L3MBTL4: variants seen among roughly 807,000 people sequenced by gnomAD.
The protein encoded by L3MBTL4 is L3MBTL histone methyl-lysine binding protein 4.
In L3MBTL4, 70 loss-of-function variants were observed where a neutral mutation model predicts 84.5. The ratio of observed to expected loss-of-function variants is 0.83; its 90% CI spans 0.68 to 1.01. The LOEUF (loss-of-function observed/expected upper bound fraction) is 1.01, where lower values mean the gene tolerates loss of function less well. Among genes scored for constraint, L3MBTL4 ranks in the 50% least tolerant of loss-of-function variants. L3MBTL4 has a pLI of 0.00. For missense variants in L3MBTL4, 715 were observed against 754.8 expected (o/e 0.95, Z 0.62); for synonymous variants, 274 against 259.8 (o/e 1.05, Z -0.52).
At chr18:6,282,287 C>G (rs1226437543) in intron 4 of L3MBTL4, among the ~76,000 whole-genome samples, 2 of 152,120 alleles carry the variant, frequency 1.3e-5, no homozygotes, top group Non-Finnish European at 2.9e-5. Context: ...TAATTGCAAA[C>G]CATACTAAGT....
At chr18:6,342,182 T>A (rs1284989742) in intron 1 of L3MBTL4, among the ~76,000 whole-genome samples, 1 of 152,134 alleles carries the variant, frequency 6.6e-6, no homozygotes, top group Non-Finnish European at 1.5e-5. Context: ...TGTGAAAACA[T>A]ATGAAAGTAT....
At chr18:6,084,560 T>C (rs2058195442) in intron 15 of L3MBTL4, among the ~76,000 whole-genome samples, 1 of 152,220 alleles carries the variant, frequency 6.6e-6, no homozygotes, top group South Asian at 2.1e-4. Context: ...CTGACTCTTC[T>C]ATTTTTAGGC....
chr18:6,117,701 A>G (rs546634380), intron 14 of L3MBTL4, among the ~76,000 whole-genome samples: 30 of 152,392 alleles, frequency 2.0e-4, no homozygotes, highest in African/African-American at 7.0e-4. Context: ...TGATAAGTAC[A>G]GCGTCCTATG....
chr18:6,271,557 C>T (rs2048871139), intron 4 of L3MBTL4, among the ~76,000 whole-genome samples: 1 of 152,112 alleles, frequency 6.6e-6, no homozygotes, highest in Admixed American at 6.5e-5. Context: ...AGTCATTTTC[C>T]GAGACGTTAA....
At chr18:6,067,842 T>G (rs1034181493) in intron 16 of L3MBTL4, among the ~76,000 whole-genome samples, 1 of 152,216 alleles carries the variant, frequency 6.6e-6, no homozygotes, top group East Asian at 1.9e-4. Flanking sequence ...TGTGATTTCT[T>G]GCGGATGCTG....
chr18:5,985,608 T>C (rs1223427624), intron 16 of L3MBTL4, among the ~76,000 whole-genome samples: 1 of 152,180 alleles, frequency 6.6e-6, no homozygotes, highest in Admixed American at 6.5e-5. Flanking sequence ...CCCTACGTTA[T>C]ATTCCCGAAG....
At chr18:5,986,477 C>G (rs915726494) in intron 16 of L3MBTL4, among the ~76,000 whole-genome samples, 1 of 152,218 alleles carries the variant, frequency 6.6e-6, no homozygotes, top group Non-Finnish European at 1.5e-5. Context: ...ATGATGAGGT[C>G]ATCTTTAATA....
chr18:6,008,408 G>T (rs1158824931), intron 16 of L3MBTL4, among the ~76,000 whole-genome samples: 2 of 152,158 alleles, frequency 1.3e-5, no homozygotes, highest in East Asian at 3.9e-4. Context: ...TTCTATCCAG[G>T]TGTCTTAATT....
At chr18:5,967,929 C>T (rs2052434864) in intron 17 of L3MBTL4, among the ~76,000 whole-genome samples, 1 of 152,362 alleles carries the variant, frequency 6.6e-6, no homozygotes, top group Non-Finnish European at 1.5e-5. Context: ...CAGAGACATG[C>T]CCAGAATTCT....
intron 4 of L3MBTL4, among the ~76,000 whole-genome samples, chr18:6,297,028 T>C (rs2050136040): frequency 6.6e-6 from 1 of 152,042 alleles, no homozygotes; most frequent in Admixed American, 6.5e-5. Context: ...AATCTTCAAG[T>C]GGAAGAAAAA....
chr18:6,240,916 C>T (rs941981854), intron 8 of L3MBTL4, among the ~76,000 whole-genome samples: 1 of 152,178 alleles, frequency 6.6e-6, no homozygotes, highest in African/African-American at 2.4e-5. Context: ...GTGTGATCTA[C>T]CCAGATCCGC....
intron 14 of L3MBTL4, among the ~76,000 whole-genome samples, chr18:6,106,591 CT>C (rs1316978567): frequency 6.6e-6 from 1 of 152,120 alleles, no homozygotes; most frequent in Non-Finnish European, 1.5e-5. Flanking sequence ...TTATAAAACC[CT>C]GAGAAAAGAG....
rs143289498 is a variant in L3MBTL4 at position 6,178,315 on chromosome 18, T to C, written c.982-6373A>G. Among the ~76,000 whole-genome samples, 95 of 152,296 alleles carry C rather than the reference T, an allele frequency of 6.2e-4. No individual in the cohort carries two copies. In the East Asian group the frequency reaches 0.018, roughly 28 times the overall value. ...AACAAGGGCTGTCTAAACTCTGAAT[T>C]TATAATCAAAATCTGTGCCTATGTA... On this transcript the variant is annotated intron_variant, in intron 12 of 18. Transcript: ENST00000317931.
intron 5 of L3MBTL4, among the ~76,000 whole-genome samples, chr18:6,245,833 C>T (rs970713600): frequency 6.6e-5 from 10 of 152,192 alleles, no homozygotes; most frequent in African/African-American, 2.4e-4. Context: ...TCAAATGATC[C>T]ACCCTCCTGA....
chr18:6,238,910 GT>G (rs1296350928), intron 9 of L3MBTL4, among the ~76,000 whole-genome samples: 1 of 148,932 alleles, frequency 6.7e-6, no homozygotes, highest in Non-Finnish European at 1.5e-5. Flanking sequence ...CATATTTCAG[GT>G]TTTTAATCAA....
intron 16 of L3MBTL4, among the ~76,000 whole-genome samples, chr18:5,988,807 C>T (rs1349735219): frequency 6.6e-6 from 1 of 152,148 alleles, no homozygotes; most frequent in Non-Finnish European, 1.5e-5. Context: ...AAAAGAGTTT[C>T]TAGGGGTGTG....
At chr18:6,186,788 T>C (rs960010418) in intron 12 of L3MBTL4, among the ~76,000 whole-genome samples, 3 of 152,038 alleles carry the variant, frequency 2.0e-5, no homozygotes, top group Non-Finnish European at 4.4e-5. Context: ...GTTTGCCCAG[T>C]GATGGCTTCC....
chr18:6,003,641 A>G (rs1264224215), intron 16 of L3MBTL4, among the ~76,000 whole-genome samples: 1 of 152,126 alleles, frequency 6.6e-6, no homozygotes, highest in Non-Finnish European at 1.5e-5. Context: ...GATAGACTAT[A>G]TATTAAGCCA....
At chr18:6,038,913 GT>G (rs1211462527) in intron 16 of L3MBTL4, among the ~76,000 whole-genome samples, 1 of 152,008 alleles carries the variant, frequency 6.6e-6, no homozygotes, top group Non-Finnish European at 1.5e-5. Flanking sequence ...GAAATTAGGG[GT>G]TATATGGGGT....
Sources: gnomAD v4.1 joint callset for allele counts (sites outside exome capture counted in the v4.1 genomes callset) on GRCh38, gnomAD v4.1.1 for gene constraint, MANE v1.5 for transcripts, NCBI Gene and HGNC (gene_info 2026-07-23, HGNC 2026-07-21) for gene names.